PLCG2: variants seen among roughly 807,000 people sequenced by gnomAD.
PLCG2 encodes the protein 1-phosphatidylinositol 4,5-bisphosphate phosphodiesterase gamma-2.
In PLCG2, 69 loss-of-function variants were observed where a neutral mutation model predicts 175.6. The observed-to-expected ratio is 0.39, with a 90% CI of 0.32 to 0.48. The LOEUF is 0.48. PLCG2 is among the 20% of genes least tolerant of loss of function. PLCG2 has a pLI of 0.91. For synonymous variants in PLCG2, 827 were observed against 624.0 expected, an observed-to-expected ratio of 1.33 and a Z score of -4.85; for missense variants, 1,798 against 1,650.9, an observed-to-expected ratio of 1.09 and a Z score of -1.54.
upstream of PLCG2, among the ~76,000 whole-genome samples, chr16:81,774,632 G>C (rs927015076): frequency 5.3e-5 from 8 of 152,100 alleles, no homozygotes; most frequent in African/African-American, 1.7e-4. Flanking sequence ...GAGGGGTAGG[G>C]TTGGCGAGGT....
At chr16:81,751,442 A>G (rs1909810674) in intron 1 of PLCG2, among the ~76,000 whole-genome samples, 3 of 152,212 alleles carry the variant, frequency 2.0e-5, no homozygotes. Flanking sequence ...ATAGAAGCAG[A>G]GAGTAGAATG....
chr16:81,871,919 T>C (rs1217427490), intron 7 of PLCG2, among the ~76,000 whole-genome samples: 1 of 152,198 alleles, frequency 6.6e-6, no homozygotes. Context: ...ATGCAGCTGA[T>C]TAAGAAGCAT....
intron 27 of PLCG2, among the ~76,000 whole-genome samples, chr16:81,937,025 T>C (rs1430994287): frequency 2.0e-5 from 3 of 152,198 alleles, no homozygotes; most frequent in Admixed American, 6.5e-5. Context: ...TCCACAGATG[T>C]AGGAATATGT....
intron 1 of PLCG2, among the ~76,000 whole-genome samples, chr16:81,755,562 G>A (rs151017341): frequency 0.016 from 2,371 of 151,534 alleles, 67 homozygotes; most frequent in African/African-American, 0.055. Flanking sequence ...GTTTCACTCT[G>A]TCGCCCAAGC....
At chr16:81,803,260 A>G (rs986221831) in intron 2 of PLCG2, among the ~76,000 whole-genome samples, 66 of 152,110 alleles carry the variant, frequency 4.3e-4, no homozygotes, top group African/African-American at 1.4e-3. Flanking sequence ...CTGGGACTAC[A>G]GGTGCCCACC....
intron 22 of PLCG2, among the ~76,000 whole-genome samples, chr16:81,924,343 G>C (rs907517358): frequency 1.3e-5 from 2 of 152,264 alleles, no homozygotes; most frequent in Non-Finnish European, 2.9e-5. Flanking sequence ...ACCTGGCTTA[G>C]GAATCTGAAT....
At chr16:81,766,214 C>G (rs897118856) in intron 2 of PLCG2, among the ~76,000 whole-genome samples, 75 of 152,122 alleles carry the variant, frequency 4.9e-4, no homozygotes, top group Non-Finnish European at 1.5e-4. Context: ...AGGCCTTTCT[C>G]TCCAAGTGGG....
intron 2 of PLCG2, among the ~76,000 whole-genome samples, chr16:81,810,320 T>C (rs1331881357): frequency 6.6e-6 from 1 of 152,258 alleles, no homozygotes; most frequent in Non-Finnish European, 1.5e-5. Context: ...CTCTAGTCTA[T>C]AGAACACGTA....
At chr16:81,902,801 G>A (rs1358908446) in intron 14 of PLCG2, among the ~76,000 whole-genome samples, 3 of 152,082 alleles carry the variant, frequency 2.0e-5, no homozygotes, top group African/African-American at 7.2e-5. Flanking sequence ...GTTCCATATG[G>A]CTGGGGAGGC....
At chr16:81,743,751 C>T (rs1909646159) in intron 1 of PLCG2, among the ~76,000 whole-genome samples, 1 of 152,148 alleles carries the variant, frequency 6.6e-6, no homozygotes, top group Non-Finnish European at 1.5e-5. Context: ...GGGAGAGTGG[C>T]GAGATGAAGA....
chr16:81,820,716 G>C (rs575409273), intron 2 of PLCG2, among the ~76,000 whole-genome samples: 1 of 152,244 alleles, frequency 6.6e-6, no homozygotes, highest in African/African-American at 2.4e-5. Context: ...CGCCTCCCAG[G>C]TTCAAGCAAT....
chr16:81,835,025 G>C (rs1161726160), intron 2 of PLCG2, among the ~76,000 whole-genome samples: 1 of 152,122 alleles, frequency 6.6e-6, no homozygotes, highest in Non-Finnish European at 1.5e-5. Flanking sequence ...CATGAACACT[G>C]TTTTTCTCAG....
intron 1 of PLCG2, among the ~76,000 whole-genome samples, chr16:81,743,943 C>T (rs1179501899): frequency 6.6e-6 from 1 of 151,912 alleles, no homozygotes; most frequent in Non-Finnish European, 1.5e-5. Flanking sequence ...ACTGCAACCT[C>T]CACCTCCTGG....
chr16:81,881,119 A>T (rs561245626), intron 8 of PLCG2, among the ~76,000 whole-genome samples, 166 bp downstream of exon 8: 1 of 152,322 alleles, frequency 6.6e-6, no homozygotes, highest in East Asian at 1.9e-4. Context: ...GCGTGGATAG[A>T]GATGAGCAGT....
chr16:81,881,257 TA>T (rs1908067112), intron 8 of PLCG2, among the ~76,000 whole-genome samples: 1 of 152,118 alleles, frequency 6.6e-6, no homozygotes, highest in Admixed American at 6.5e-5. Context: ...TTTTTTTTTT[TA>T]ATTACAAAAA....
chr16:81,806,857 T>C (rs908895895), intron 2 of PLCG2, among the ~76,000 whole-genome samples: 7 of 151,544 alleles, frequency 4.6e-5, no homozygotes, highest in African/African-American at 1.7e-4. Flanking sequence ...GTTCTGGGGA[T>C]AGCCAGCCAA....
chr16:81,854,415 C>T (rs563638300), intron 2 of PLCG2, 29 bp from the exon 3 acceptor site: 1 of 1,610,442 alleles, frequency 6.2e-7, no homozygotes, highest in East Asian at 2.2e-5. Flanking sequence ...ACTCCAGCTT[C>T]TAATTGGCTC....
At chr16:81,775,765 T>C (rs1412805718), upstream of PLCG2, among the ~76,000 whole-genome samples, 1 of 152,194 alleles carries the variant, frequency 6.6e-6, no homozygotes, top group African/African-American at 2.4e-5. Context: ...TTCTTACCTA[T>C]CCACTTCCCT....
intron 2 of PLCG2, among the ~76,000 whole-genome samples, chr16:81,811,579 C>G (rs1236820121): frequency 1.3e-5 from 2 of 152,052 alleles, no homozygotes; most frequent in Non-Finnish European, 2.9e-5. Context: ...TGCATGGGTT[C>G]TCATTGTTCA....
Sources: allele counts gnomAD v4.1 joint callset (sites outside exome capture counted in the v4.1 genomes callset), GRCh38; gene constraint gnomAD v4.1.1; transcripts MANE v1.5; gene names NCBI Gene and HGNC (gene_info 2026-07-23, HGNC 2026-07-21).